TRPM3: variants seen among roughly 807,000 people sequenced by gnomAD.
The protein encoded by TRPM3 is transient receptor potential cation channel subfamily M member 3, also known as long transient receptor potential channel 3.
Under a neutral mutation model 181.2 loss-of-function variants are expected in TRPM3, and 77 were observed. That is an observed-to-expected ratio of 0.42 (90% CI 0.35 to 0.51). The LOEUF (loss-of-function observed/expected upper bound fraction) is 0.51, where lower values mean the gene tolerates loss of function less well. Among genes scored for constraint, TRPM3 ranks in the 20% least tolerant of loss-of-function variants. TRPM3 has a pLI of 0.01. For missense variants in TRPM3, 1,759 were observed against 2,196.7 expected, an observed-to-expected ratio of 0.80 and a Z score of 3.98; for synonymous variants, 745 against 796.4, an observed-to-expected ratio of 0.94 and a Z score of 1.09.
intron 1 of TRPM3, among the ~76,000 whole-genome samples, chr9:71,201,135 C>T (rs2078762749): frequency 6.6e-6 from 1 of 151,588 alleles, no homozygotes; most frequent in Admixed American, 6.6e-5. Flanking sequence ...ACTTATGAAG[C>T]TTAGTTTGGC....
intron 1 of TRPM3, among the ~76,000 whole-genome samples, chr9:71,431,018 A>T (rs1369857581): frequency 6.6e-6 from 1 of 152,196 alleles, no homozygotes; most frequent in African/African-American, 2.4e-5. Flanking sequence ...TGTGATGGAC[A>T]TCAATACTTA....
chr9:71,058,141 C>T (rs952665098), intron 1 of TRPM3, among the ~76,000 whole-genome samples: 7 of 152,138 alleles, frequency 4.6e-5, no homozygotes, highest in Non-Finnish European at 8.8e-5. Flanking sequence ...CTTGATATTT[C>T]CCGAATAATA....
At chr9:71,187,468 C>A (rs1370416763) in intron 1 of TRPM3, among the ~76,000 whole-genome samples, 1 of 151,894 alleles carries the variant, frequency 6.6e-6, no homozygotes, top group Non-Finnish European at 1.5e-5. Flanking sequence ...GAAGGATATG[C>A]TCTCTTCGTC....
intron 6 of TRPM3, among the ~76,000 whole-genome samples, chr9:70,787,518 G>A (rs1471638153): frequency 6.6e-6 from 1 of 150,898 alleles, no homozygotes; most frequent in Non-Finnish European, 1.5e-5. Context: ...ACCAAGATAT[G>A]TTAACATTAA....
chr9:70,621,661 C>T (rs1764936845), intron 14 of TRPM3, among the ~76,000 whole-genome samples: 2 of 152,174 alleles, frequency 1.3e-5, no homozygotes, highest in Admixed American at 1.3e-4. Context: ...CCACCACACC[C>T]AGCCTCCAAG....
At chr9:70,841,056 G>T (rs1469760103) in intron 5 of TRPM3, among the ~76,000 whole-genome samples, 1 of 152,148 alleles carries the variant, frequency 6.6e-6, no homozygotes, top group African/African-American at 2.4e-5. Flanking sequence ...ATTATTAAAT[G>T]ATTTTGGTGC....
intron 1 of TRPM3, among the ~76,000 whole-genome samples, chr9:71,254,648 T>C (rs1469119576): frequency 6.6e-6 from 1 of 152,234 alleles, no homozygotes; most frequent in African/African-American, 2.4e-5. Context: ...AAGAAATCAC[T>C]TCAGTTTTAT....
rs73453882 is a variant in TRPM3 at position 70,785,490 on chromosome 9, C to T, written c.974-1211G>A. Among the ~76,000 whole-genome samples, 585 of 152,198 alleles carry T rather than the reference C, an allele frequency of 3.8e-3. 3 individuals carry two copies. The highest frequency in any genetic ancestry group is 0.013 in the African/African-American group (556 of 41,540). ...ATAAAAGTGAGCTGGTCTTAGAGGG[C>T]GCACACAGCAGTTATCTTAAAAAAG... On this transcript the variant is annotated intron_variant, in intron 6 of 25. Coordinates refer to ENST00000677713, the MANE Select transcript of TRPM3 (RefSeq NM_001366145.2).
intron 1 of TRPM3, among the ~76,000 whole-genome samples, chr9:71,405,945 TC>T (rs2093427746): frequency 6.6e-6 from 1 of 152,208 alleles, no homozygotes; most frequent in Non-Finnish European, 1.5e-5. Flanking sequence ...GATAAAGCTT[TC>T]CATCATTTAA....
At chr9:71,442,378 T>C (rs531561192) in intron 1 of TRPM3, among the ~76,000 whole-genome samples, 3 of 152,326 alleles carry the variant, frequency 2.0e-5, no homozygotes, top group South Asian at 4.1e-4. Flanking sequence ...TAAATCTGCA[T>C]CTATTTGAAA....
intron 1 of TRPM3, among the ~76,000 whole-genome samples, chr9:71,406,028 C>G (rs1009510524): frequency 1.2e-4 from 19 of 152,244 alleles, no homozygotes; most frequent in South Asian, 1.2e-3. Context: ...GTAATCCCAG[C>G]ACTTCAGGAG....
intron 1 of TRPM3, among the ~76,000 whole-genome samples, chr9:71,080,151 CAA>C (rs1812727008): frequency 1.5e-5 from 2 of 135,800 alleles, no homozygotes; most frequent in South Asian, 4.7e-4. Context: ...ACCTGGACAA[CAA>C]GAGTCAAACT....
At chr9:70,811,150 T>A in intron 6 of TRPM3, 1 of 1,583,340 alleles carries the variant, frequency 6.3e-7, no homozygotes, top group Non-Finnish European at 8.6e-7. Context: ...AAATTCACAT[T>A]TTCCATTAAT....
At chr9:71,369,459 G>A (rs2092442023) in intron 1 of TRPM3, among the ~76,000 whole-genome samples, 1 of 152,170 alleles carries the variant, frequency 6.6e-6, no homozygotes, top group African/African-American at 2.4e-5. Context: ...ATATCTAGGT[G>A]TGTAGTAAAT....
intron 6 of TRPM3, among the ~76,000 whole-genome samples, chr9:70,822,758 C>CG (rs2093279283): frequency 1.1e-4 from 8 of 74,298 alleles, no homozygotes; most frequent in African/African-American, 3.4e-4. Flanking sequence ...AAAGATTTGT[C>CG]TTGTGTGTGT....
intron 1 of TRPM3, among the ~76,000 whole-genome samples, chr9:70,994,106 T>C (rs924511055): frequency 2.0e-5 from 3 of 152,192 alleles, no homozygotes; most frequent in Non-Finnish European, 4.4e-5. Flanking sequence ...AGAGAACGTA[T>C]TTGGAATGTA....
intron 9 of TRPM3, among the ~76,000 whole-genome samples, chr9:70,647,128 T>C (rs1031630262): frequency 1.3e-5 from 2 of 152,062 alleles, no homozygotes; most frequent in South Asian, 2.1e-4. Flanking sequence ...TAAGAGGTGG[T>C]ACCAATCCTA....
chr9:70,760,488 T>C (rs1358637375), intron 8 of TRPM3, among the ~76,000 whole-genome samples: 2 of 149,758 alleles, frequency 1.3e-5, no homozygotes, highest in African/African-American at 4.9e-5. Context: ...GCCATGACCG[T>C]GTGCCCCACC....
At chr9:71,277,785 G>A (rs1037362177) in intron 1 of TRPM3, among the ~76,000 whole-genome samples, 2 of 152,100 alleles carry the variant, frequency 1.3e-5, no homozygotes, top group Admixed American at 6.6e-5. Context: ...ACACTAACAG[G>A]AAAAATGCTT....
Sources: gnomAD v4.1 joint callset for allele counts (sites outside exome capture counted in the v4.1 genomes callset) on GRCh38, gnomAD v4.1.1 for gene constraint, MANE v1.5 for transcripts, NCBI Gene and HGNC (gene_info 2026-07-23, HGNC 2026-07-21) for gene names.